The following PCED1B variants were observed in gnomAD, a reference collection of about 807,000 sequenced individuals.
PCED1B encodes PC-esterase domain-containing protein 1B.
For missense variants in PCED1B, 573 were observed against 573.9 expected, an observed-to-expected ratio of 1.00 and a Z score of 0.02; for synonymous variants, 251 against 246.1, an observed-to-expected ratio of 1.02 and a Z score of -0.19.
intron 2 of PCED1B, among the ~76,000 whole-genome samples, chr12:47,156,691 A>G (rs1363587793): frequency 6.6e-6 from 1 of 151,998 alleles, no homozygotes; most frequent in Non-Finnish European, 1.5e-5. Context: ...TCCTCCATTC[A>G]GTATGGGTTA....
chr12:47,232,249 C>T (rs1176449230), intron 3 of PCED1B, among the ~76,000 whole-genome samples: 1 of 152,152 alleles, frequency 6.6e-6, no homozygotes, highest in East Asian at 1.9e-4. Flanking sequence ...CCTCAGTCTT[C>T]CAAAGTGCTG....
chr12:47,205,472 TAGGA>T (rs555097980), intron 2 of PCED1B, among the ~76,000 whole-genome samples: 3 of 151,984 alleles, frequency 2.0e-5, no homozygotes, highest in Non-Finnish European at 4.4e-5. Flanking sequence ...AGTCTTCAGG[TAGGA>T]AGGTGGTTTG....
intron 2 of PCED1B, among the ~76,000 whole-genome samples, chr12:47,139,235 T>C (rs189876902): frequency 6.6e-6 from 1 of 152,280 alleles, no homozygotes; most frequent in East Asian, 1.9e-4. Flanking sequence ...ATGAGGATGT[T>C]AGACTAAATT....
intron 2 of PCED1B, chr12:47,135,570 C>A: frequency 1.9e-6 from 1 of 514,542 alleles, no homozygotes; most frequent in Non-Finnish European, 4.0e-6. Context: ...CCCAGATGTT[C>A]AGGCACTTGG....
chr12:47,151,230 G>A (rs1296817671), intron 2 of PCED1B, among the ~76,000 whole-genome samples: 1 of 151,852 alleles, frequency 6.6e-6, no homozygotes, highest in East Asian at 1.9e-4. Flanking sequence ...ATACAACAGT[G>A]ATCCCATAAG....
intron 2 of PCED1B, among the ~76,000 whole-genome samples, chr12:47,108,235 C>T (rs1343530193): frequency 1.3e-5 from 2 of 152,142 alleles, no homozygotes; most frequent in Non-Finnish European, 2.9e-5. Flanking sequence ...AGGATGTGAG[C>T]AGGAGGCAAA....
At chr12:47,115,705 C>T (rs1469504025) in intron 2 of PCED1B, among the ~76,000 whole-genome samples, 2 of 152,176 alleles carry the variant, frequency 1.3e-5, no homozygotes, top group Non-Finnish European at 2.9e-5. Flanking sequence ...AATGTACAAC[C>T]ATTTATTCTC....
intron 2 of PCED1B, among the ~76,000 whole-genome samples, chr12:47,166,835 T>G (rs1034178371): frequency 6.6e-6 from 1 of 152,144 alleles, no homozygotes; most frequent in Non-Finnish European, 1.5e-5. Context: ...TTGGAGTCCA[T>G]GAATCAAACA....
At chr12:47,185,793 A>G (rs1317748279) in intron 2 of PCED1B, among the ~76,000 whole-genome samples, 2 of 20,334 alleles carry the variant, frequency 9.8e-5, no homozygotes, top group Non-Finnish European at 2.6e-4. Flanking sequence ...ACTCAGTCTC[A>G]AAAAAAAAAA....
At position 47,235,337 on chromosome 12, in the gene PCED1B, T is replaced by C. The variant is rs999112969; in HGVS notation, c.274T>C (p.Tyr92His). Residue 92 changes from tyrosine to histidine, a missense_variant, in exon 4 of 4, where the codon TAC (tyrosine) becomes CAC (histidine). By Grantham distance (83) the Tyr-to-His change is moderately conservative (BLOSUM62 2). Coordinates refer to ENST00000546455, the MANE Select transcript of PCED1B (RefSeq NM_138371.3). ...FRSDHHLVRF[Y>H]FLTRVYSDYL... ...CTCCGACCACCATCTGGTACGTTTTTACTTCCTCACCCGCGTGTACTCCGA... is the reference window on the plus strand; with the variant it reads ...CTCCGACCACCATCTGGTACGTTTTCACTTCCTCACCCGCGTGTACTCCGA... The C allele has an allele frequency of 1.2e-6, 2 of 1,614,166 alleles. No homozygotes were observed. The highest frequency in any genetic ancestry group is 1.7e-5 in the Admixed American group (1 of 60,030).
intron 2 of PCED1B, among the ~76,000 whole-genome samples, chr12:47,164,388 T>C (rs921412098): frequency 6.6e-6 from 1 of 152,180 alleles, no homozygotes; most frequent in African/African-American, 2.4e-5. Flanking sequence ...ACAGGCCCTA[T>C]ACAAATCTAA....
intron 2 of PCED1B, among the ~76,000 whole-genome samples, chr12:47,157,194 C>T (rs1245763859): frequency 6.6e-6 from 1 of 152,068 alleles, no homozygotes; most frequent in Non-Finnish European, 1.5e-5. Context: ...GTAGAGCTTA[C>T]CCCTGAACAC....
chr12:47,211,023 ATATGAC>A (rs2137764788), intron 2 of PCED1B, among the ~76,000 whole-genome samples: 1 of 152,338 alleles, frequency 6.6e-6, no homozygotes, highest in East Asian at 1.9e-4. Flanking sequence ...TCATAAAAGA[ATATGAC>A]TAGAAGCTAC....
intron 2 of PCED1B, among the ~76,000 whole-genome samples, chr12:47,134,974 A>AT (rs1940291378): frequency 6.6e-6 from 1 of 152,188 alleles, no homozygotes; most frequent in Non-Finnish European, 1.5e-5. Flanking sequence ...CCCTTCACTC[A>AT]TTTTTTAACT....
intron 2 of PCED1B, among the ~76,000 whole-genome samples, chr12:47,113,825 C>A (rs933327820): frequency 3.9e-5 from 6 of 152,038 alleles, no homozygotes; most frequent in Non-Finnish European, 7.4e-5. Flanking sequence ...GCCTGGCCAA[C>A]ATGACGAAAC....
At chr12:47,151,541 C>T (rs11183759) in intron 2 of PCED1B, among the ~76,000 whole-genome samples, 33,389 of 152,108 alleles carry the variant, frequency 0.22, 4,696 homozygotes, top group Non-Finnish European at 0.31. Flanking sequence ...TCTATTATAA[C>T]GAGTTAGCTC....
At chr12:47,205,406 C>G (rs1291383738) in intron 2 of PCED1B, among the ~76,000 whole-genome samples, 1 of 152,174 alleles carries the variant, frequency 6.6e-6, no homozygotes, top group Non-Finnish European at 1.5e-5. Context: ...CTGCATGACT[C>G]CTAAACCATA....
At chr12:47,099,471 C>G (rs1019070127) in intron 1 of PCED1B, among the ~76,000 whole-genome samples, 6 of 152,194 alleles carry the variant, frequency 3.9e-5, no homozygotes, top group African/African-American at 1.2e-4. Flanking sequence ...ATACTCACTG[C>G]TCTCACACTA....
intron 1 of PCED1B, among the ~76,000 whole-genome samples, chr12:47,086,471 T>C (rs1471160488): frequency 2.0e-5 from 3 of 151,924 alleles, no homozygotes; most frequent in Non-Finnish European, 4.4e-5. Context: ...ATAAATCCAT[T>C]GAAGTGAGGA....
Sources: allele counts gnomAD v4.1 joint callset (sites outside exome capture counted in the v4.1 genomes callset), GRCh38; gene constraint gnomAD v4.1.1; transcripts MANE v1.5; gene names NCBI Gene and HGNC (gene_info 2026-07-23, HGNC 2026-07-21).